The following RALGPS2 variants were observed in gnomAD, a reference collection of about 807,000 sequenced individuals.
The protein encoded by RALGPS2 is Ral GEF with PH domain and SH3 binding motif 2.
In RALGPS2, 43 loss-of-function variants were observed where a neutral mutation model predicts 86.8. The observed-to-expected ratio is 0.50, with a 90% CI of 0.39 to 0.64. The LOEUF (loss-of-function observed/expected upper bound fraction) is 0.64, where lower values mean the gene tolerates loss of function less well. Ranked by LOEUF, RALGPS2 falls within the 30% of genes least tolerant of loss-of-function variation. RALGPS2 has a pLI of 0.00. For missense variants in RALGPS2, 536 were observed against 694.6 expected, an observed-to-expected ratio of 0.77 and a Z score of 2.57; for synonymous variants, 243 against 231.3, an observed-to-expected ratio of 1.05 and a Z score of -0.46.
At chr1:178,849,668 A>G (rs187745302) in intron 8 of RALGPS2, 2 of 152,334 alleles carry the variant, frequency 1.3e-5, no homozygotes, top group Admixed American at 1.3e-4. Context: ...AAACCAGTTT[A>G]AGATGACCAC....
At chr1:178,816,865 C>A (rs1273581542) in intron 6 of RALGPS2, among the ~76,000 whole-genome samples, 1 of 151,718 alleles carries the variant, frequency 6.6e-6, no homozygotes, top group Non-Finnish European at 1.5e-5. Flanking sequence ...TGCACCACCA[C>A]GCCCAGCTAA....
chr1:178,897,588 A>G (rs2102399680), intron 16 of RALGPS2, 76 bp from the exon 17 acceptor site: 9 of 1,211,596 alleles, frequency 7.4e-6, no homozygotes, highest in South Asian at 2.5e-5. Context: ...GGACTTGATC[A>G]TTGGCACTTA....
intron 8 of RALGPS2, among the ~76,000 whole-genome samples, chr1:178,856,394 AT>A (rs71108081): frequency 0.053 from 1,897 of 36,066 alleles, 5 homozygotes; most frequent in East Asian, 0.085. Context: ...TGCCTGGCTA[AT>A]TTTTTTTTTT....
intron 1 of RALGPS2, among the ~76,000 whole-genome samples, chr1:178,768,075 T>G (rs960041596): frequency 6.6e-6 from 1 of 152,222 alleles, no homozygotes; most frequent in African/African-American, 2.4e-5. Context: ...TCTCTTCCTT[T>G]GTTTCCTAGA....
In RALGPS2 at chr1:178,885,992, C is replaced by G. The variant is rs1659463550; in HGVS notation, c.1064C>G (p.Ala355Gly). 1 of 1,601,922 alleles carries G rather than the reference C, an allele frequency of 6.2e-7. No individual in the cohort carries two copies. The stretch of plus-strand genomic sequence containing the variant: ...AGTTTCATTCATAAAATGAACACAG[C>G]AGAATTTAAGAGTGCAACGTTTCCA... ...GYNFIHKMNT[A>G]EFKSATFPNA... Residue 355 changes from alanine (A) to glycine (G), a missense_variant, in exon 13 of 20, where the codon GCA becomes GGA. Coordinates refer to ENST00000367635, the MANE Select transcript of RALGPS2 (RefSeq NM_152663.5).
At position 178,852,761 on chromosome 1, in the gene RALGPS2, C is replaced by T. The variant is rs1249624826; in HGVS notation, c.607+19211C>T. 4.3e-6 allele frequency: 7 copies of T among 1,613,778 alleles called. No homozygotes were observed. Among genetic ancestry groups the T allele is most frequent in the Non-Finnish European group, 5.9e-6 (7 of 1,179,884 alleles). ...CACATCATAGAATCCCCTGCATTTCCCTGGTAAGTTCCCAGGCGCAGTCTA... is the reference window on the plus strand; with the variant it reads ...CACATCATAGAATCCCCTGCATTTCTCTGGTAAGTTCCCAGGCGCAGTCTA... On this transcript the variant is annotated intron_variant, in intron 8 of 19. Transcript: ENST00000367635.
At position 178,883,532 on chromosome 1, in the gene RALGPS2, A is replaced by T. The variant is rs139744444; in HGVS notation, c.903A>T (p.Val301=). 1.9e-6 allele frequency: 3 copies of T among 1,608,446 alleles called. No homozygotes were observed. The African/African-American group carries it at 4.0e-5, about 21-fold the overall frequency. The part of the protein sequence containing the change: ...PRSAASREDL[V]GPEVGASPQS... ...CTGCTGCTTCCAGAGAAGATTTAGT[A>T]GGTCAGTACGTAGTTTTCTCTTGTT... Residue 301 remains valine (V), a splice_region_variant and synonymous_variant, in exon 11 of 20, where the codon GTA becomes GTT. Transcript: ENST00000367635.
intron 8 of RALGPS2, chr1:178,851,372 T>A: frequency 6.9e-7 from 1 of 1,442,370 alleles, no homozygotes; most frequent in Non-Finnish European, 9.2e-7. Context: ...TGTGGTACTC[T>A]GCAATCATAA....
intron 8 of RALGPS2, chr1:178,850,932 T>C: frequency 2.3e-6 from 1 of 438,768 alleles, no homozygotes; most frequent in Non-Finnish European, 3.9e-6. Context: ...AGGTTGTGGA[T>C]ACACATAATT....
intron 1 of RALGPS2, among the ~76,000 whole-genome samples, chr1:178,756,886 C>T (rs996290542): frequency 1.5e-4 from 23 of 151,998 alleles, no homozygotes; most frequent in African/African-American, 5.5e-4. Flanking sequence ...AGGGAGGAGT[C>T]CCTCCTCCTT....
At chr1:178,894,715 G>A (rs1050608236) in intron 16 of RALGPS2, among the ~76,000 whole-genome samples, 2 of 151,914 alleles carry the variant, frequency 1.3e-5, no homozygotes, top group Non-Finnish European at 2.9e-5. Flanking sequence ...ACAGATAAGA[G>A]GGAAAATATT....
At chr1:178,802,769 G>A (rs923183365) in intron 4 of RALGPS2, among the ~76,000 whole-genome samples, 2 of 152,090 alleles carry the variant, frequency 1.3e-5, no homozygotes, top group Non-Finnish European at 2.9e-5. Flanking sequence ...CTGTTGGTGT[G>A]CATAAATTTT....
At chr1:178,730,955 C>T (rs1650314174) in intron 1 of RALGPS2, among the ~76,000 whole-genome samples, 2 of 152,166 alleles carry the variant, frequency 1.3e-5, no homozygotes, top group Admixed American at 6.5e-5. Flanking sequence ...ACCTCAGGCT[C>T]CCAGAGTGCT....
At chr1:178,869,775 A>G (rs1658635277) in intron 8 of RALGPS2, among the ~76,000 whole-genome samples, 1 of 152,092 alleles carries the variant, frequency 6.6e-6, no homozygotes, top group Admixed American at 6.6e-5. Context: ...TACAAGGCTA[A>G]AGGAGCCCCA....
chr1:178,895,069 G>T (rs1659882373), intron 16 of RALGPS2, among the ~76,000 whole-genome samples: 1 of 151,816 alleles, frequency 6.6e-6, no homozygotes, highest in Non-Finnish European at 1.5e-5. Context: ...CTATATTGGG[G>T]GGGGAAAAAA....
rs968069893 is a variant in RALGPS2 at position 178,887,656 on chromosome 1, C to T, written c.1192+1536C>T. ...TTCTGGAACATACTGACTTTCTTAG[C>T]CCTTGAGAGTTAAAATTAAATTATT... On this transcript the variant is annotated intron_variant, in intron 13 of 19. Coordinates refer to ENST00000367635, the MANE Select transcript of RALGPS2 (RefSeq NM_152663.5). 1.7e-4 allele frequency among the ~76,000 whole-genome samples: 26 copies of T among 152,092 alleles called. 1 individual carries two copies.
chr1:178,881,788 G>A (rs1377795554), intron 10 of RALGPS2, among the ~76,000 whole-genome samples: 1 of 152,052 alleles, frequency 6.6e-6, no homozygotes, highest in African/African-American at 2.4e-5. Flanking sequence ...TGTTGCCTGA[G>A]CCTAATAATT....
chr1:178,740,470 T>G (rs541624650), intron 1 of RALGPS2, among the ~76,000 whole-genome samples: 2 of 152,346 alleles, frequency 1.3e-5, no homozygotes, highest in South Asian at 4.1e-4. Flanking sequence ...AATTTACCAT[T>G]GAACCATGGG....
intron 17 of RALGPS2, among the ~76,000 whole-genome samples, chr1:178,898,192 T>G (rs1308222433): frequency 1.3e-5 from 2 of 152,064 alleles, no homozygotes; most frequent in Non-Finnish European, 2.9e-5. Flanking sequence ...AAAAGAAGCC[T>G]CTTTTCACCC....
Sources: gnomAD v4.1 joint callset for allele counts (sites outside exome capture counted in the v4.1 genomes callset) on GRCh38, gnomAD v4.1.1 for gene constraint, MANE v1.5 for transcripts, NCBI Gene and HGNC (gene_info 2026-07-23, HGNC 2026-07-21) for gene names.